CSMD1: variants seen among roughly 807,000 people sequenced by gnomAD.
CSMD1 encodes the protein CUB and sushi domain-containing protein 1.
A neutral mutation model predicts 417.5 loss-of-function variants in CSMD1; 213 were observed. The observed-to-expected ratio is 0.51, with a 90% CI of 0.46 to 0.57. The LOEUF is 0.57. CSMD1 is among the 20% of genes least tolerant of loss of function. CSMD1 has a pLI of 0.00. For missense variants in CSMD1, 6,923 were observed against 4,529.7 expected, an observed-to-expected ratio of 1.53 and a Z score of -15.17; for synonymous variants, 2,862 against 1,736.8, an observed-to-expected ratio of 1.65 and a Z score of -16.11.
intron 3 of CSMD1, among the ~76,000 whole-genome samples, chr8:4,059,677 A>G (rs1210174265): frequency 2.0e-5 from 3 of 152,206 alleles, no homozygotes; most frequent in Non-Finnish European, 2.9e-5. Context: ...CTACGCAAAT[A>G]AACTAGAAAA....
chr8:4,124,985 C>A (rs1357394637), intron 3 of CSMD1, among the ~76,000 whole-genome samples: 1 of 151,234 alleles, frequency 6.6e-6, no homozygotes, highest in African/African-American at 2.4e-5. Context: ...GTCGCTTTTG[C>A]TTTCCTTTCA....
At chr8:4,233,905 A>C (rs551119771) in intron 3 of CSMD1, among the ~76,000 whole-genome samples, 3 of 151,112 alleles carry the variant, frequency 2.0e-5, no homozygotes, top group African/African-American at 7.3e-5. Context: ...ACTTGGATGA[A>C]CCAATGTCAC....
At chr8:3,488,369 A>G (rs1207697130) in intron 11 of CSMD1, among the ~76,000 whole-genome samples, 1 of 152,044 alleles carries the variant, frequency 6.6e-6, no homozygotes, top group Non-Finnish European at 1.5e-5. Context: ...CGGCTTCCCA[A>G]AGTTCCGGGA....
chr8:4,256,968 G>C (rs575741721), intron 3 of CSMD1, among the ~76,000 whole-genome samples: 1 of 152,298 alleles, frequency 6.6e-6, no homozygotes, highest in East Asian at 1.9e-4. Flanking sequence ...TCACAGGCTG[G>C]AGGTATTCAA....
intron 3 of CSMD1, among the ~76,000 whole-genome samples, chr8:4,085,676 G>A (rs962077707): frequency 6.6e-6 from 1 of 152,122 alleles, no homozygotes; most frequent in Admixed American, 6.5e-5. Flanking sequence ...TGTGATTCCA[G>A]GATAATGCTC....
intron 1 of CSMD1, among the ~76,000 whole-genome samples, chr8:4,769,166 T>C (rs1796481070): frequency 6.6e-6 from 1 of 152,190 alleles, no homozygotes; most frequent in Non-Finnish European, 1.5e-5. Context: ...TGATTTTAGC[T>C]TTGTAAGATG....
intron 1 of CSMD1, among the ~76,000 whole-genome samples, chr8:4,828,668 T>C (rs568536786): frequency 1.1e-4 from 16 of 152,256 alleles, no homozygotes; most frequent in African/African-American, 3.6e-4. Context: ...GCAATATACA[T>C]TGACCAGAGC....
intron 2 of CSMD1, among the ~76,000 whole-genome samples, chr8:4,455,615 C>T (rs574334420): frequency 6.6e-6 from 1 of 151,964 alleles, no homozygotes; most frequent in East Asian, 1.9e-4. Context: ...ATCTTATTTT[C>T]TCTTTCAGGA....
chr8:3,837,696 G>A (rs1031905771), intron 5 of CSMD1, among the ~76,000 whole-genome samples: 1 of 152,128 alleles, frequency 6.6e-6, no homozygotes, highest in Non-Finnish European at 1.5e-5. Flanking sequence ...AGTAGGAAGA[G>A]TAATAGAGGT....
In CSMD1 at chr8:4,460,273, A is replaced by G. The variant is rs1344217843; in HGVS notation, c.303-40208T>C. 3.3e-5 allele frequency among the ~76,000 whole-genome samples: 5 copies of G among 152,302 alleles called. No homozygotes were observed. In the South Asian group the frequency reaches 1.0e-3, roughly 32 times the overall value. On this transcript the variant is annotated intron_variant, in intron 2 of 69. Transcript: ENST00000635120. The stretch of plus-strand genomic sequence containing the variant: ...GTTAAAGAAATCACTAGGGAAATTT[A>G]AAAATAATATGAACGAAAATGGAGA...
chr8:3,684,232 AATAT>A (rs1266092488), intron 7 of CSMD1, among the ~76,000 whole-genome samples: 1 of 143,600 alleles, frequency 7.0e-6, no homozygotes, highest in Non-Finnish European at 1.5e-5. Context: ...CATAATATAT[AATAT>A]ATAATTTATA....
rs192048966 is a variant in CSMD1, at chr8:4,150,919, C to T, written c.416-118820G>A. On this transcript the variant is annotated intron_variant, in intron 3 of 69. Coordinates refer to ENST00000635120, the MANE Select transcript of CSMD1 (RefSeq NM_033225.6). ...AAAGAGCAATGTTTTGTTCCCTCTC[C>T]TGTGCTTTAATTACAGTCTGCAACG... 4.7e-5 allele frequency among the ~76,000 whole-genome samples: 7 copies of T among 150,008 alleles called. No homozygotes were observed. The East Asian group carries it at 1.2e-3, about 25-fold the overall frequency.
In CSMD1 at chr8:4,875,135, G is replaced by A. The variant is rs1047143847; in HGVS notation, c.85+119197C>T. ...ATACAGAAGCCCTCCTTCCCTCATG[G>A]TAAGGTAGTATGTGCTCTGCCTACA... On this transcript the variant is annotated intron_variant, in intron 1 of 69. Transcript: ENST00000635120. 1.5e-4 allele frequency among the ~76,000 whole-genome samples: 22 copies of A among 151,390 alleles called. 1 individual carries two copies. Among genetic ancestry groups the A allele is most frequent in the African/African-American group, 5.1e-4 (21 of 41,082 alleles).
chr8:4,248,171 C>T (rs1404710175), intron 3 of CSMD1, among the ~76,000 whole-genome samples: 1 of 152,028 alleles, frequency 6.6e-6, no homozygotes, highest in African/African-American at 2.4e-5. Flanking sequence ...TGCTTTGAAA[C>T]TTGAAGCCCT....
At chr8:4,123,333 T>A (rs1407671688) in intron 3 of CSMD1, among the ~76,000 whole-genome samples, 1 of 152,206 alleles carries the variant, frequency 6.6e-6, no homozygotes, top group Non-Finnish European at 1.5e-5. Context: ...GCATGCCAAT[T>A]AGTAGGCTCA....
chr8:3,837,824 T>C (rs7008238), intron 5 of CSMD1, among the ~76,000 whole-genome samples: 56,151 of 151,944 alleles, frequency 0.37, 11,129 homozygotes, highest in African/African-American at 0.52. Flanking sequence ...CTTCCCTCTC[T>C]ATAGTCGCAG....
At chr8:4,143,573 C>G (rs988994906) in intron 3 of CSMD1, among the ~76,000 whole-genome samples, 1 of 151,100 alleles carries the variant, frequency 6.6e-6, no homozygotes, top group Non-Finnish European at 1.5e-5. Flanking sequence ...ATATGACCCA[C>G]AGTTGTCAAC....
chr8:3,336,589 G>A (rs898429675), intron 23 of CSMD1, among the ~76,000 whole-genome samples: 9 of 152,140 alleles, frequency 5.9e-5, no homozygotes, highest in Admixed American at 1.3e-4. Flanking sequence ...GCTTTACCCC[G>A]CTCTGATTTT....
chr8:4,224,839 G>T (rs993737400), intron 3 of CSMD1, among the ~76,000 whole-genome samples: 1 of 152,228 alleles, frequency 6.6e-6, no homozygotes, highest in Non-Finnish European at 1.5e-5. Context: ...ATAGGGCGCT[G>T]TGGCTCACGC....
Sources: gnomAD v4.1 joint callset for allele counts (sites outside exome capture counted in the v4.1 genomes callset) on GRCh38, gnomAD v4.1.1 for gene constraint, MANE v1.5 for transcripts, NCBI Gene and HGNC (gene_info 2026-07-23, HGNC 2026-07-21) for gene names.